The following SPATA31A6 variants were observed in gnomAD, a reference collection of about 807,000 sequenced individuals.
SPATA31A6 encodes the protein SPATA31 subfamily A member 6.
In SPATA31A6, 9 loss-of-function variants were observed where a neutral mutation model predicts 11.9. The ratio of observed to expected loss-of-function variants is 0.76; its 90% CI spans 0.46 to 1.32. The LOEUF (loss-of-function observed/expected upper bound fraction) is 1.32, where lower values mean the gene tolerates loss of function less well. SPATA31A6 is among the 40% of genes most tolerant of loss of function. The pLI, the probability that SPATA31A6 is intolerant of heterozygous loss-of-function variation, is 0.00. For missense variants in SPATA31A6, 855 were observed against 1,467.3 expected (o/e 0.58, Z 6.82); for synonymous variants, 314 against 572.1 (o/e 0.55, Z 6.44).
Position 42,187,298 on chromosome 9 carries a change from C to T in SPATA31A6, c.1596C>T (p.Ser532=), listed in dbSNP as rs1829476788. 4.5e-6 allele frequency: 7 copies of T among 1,540,718 alleles called. 1 individual carries two copies. Among genetic ancestry groups the T allele is most frequent in the South Asian group, 1.2e-5 (1 of 86,434 alleles). Residue 532 remains serine (S), a synonymous_variant, in exon 4 of 4, where the codon TCC becomes TCT. Transcript: ENST00000332857. ...PASQNKVQAL[S]LPETQHPEWP... ...CGCAGAATAAAGTGCAAGCTCTCTC[C>T]CTACCTGAAACTCAGCACCCTGAAT...
chr9:42,189,759 T>C lies in SPATA31A6; in HGVS notation c.*25T>C, dbSNP rs1563899876. ...ATTTGGTCAGTCACAAATTCTTTTT[T>C]AGCCTTCCCTGGAGAAAAACAAGTC... On this transcript the variant is annotated 3_prime_UTR_variant, in exon 4 of 4. Transcript: ENST00000332857. The C allele has an allele frequency of 7.1e-7, 1 of 1,412,656 alleles. No individual in the cohort carries two copies. The highest frequency in any genetic ancestry group is 2.5e-5 in the Admixed American group (1 of 39,996). The allele number at this position is 1,412,656 out of a possible 1,614,324, so 87.5% of individuals were successfully genotyped here.
At position 42,183,827 on chromosome 9, in the gene SPATA31A6, C is replaced by G. The variant is rs1490067595; in HGVS notation, c.140C>G (p.Ser47Cys). Residue 47 changes from serine to cysteine, a missense_variant, in exon 1 of 4, where the codon TCT becomes TGT. By Grantham distance (112) the Ser-to-Cys change is moderately radical. Transcript: ENST00000332857. ...GFFFLLLPYL[S>C]YFHCDDPPSP... Reference sequence around the variant, plus strand: ...TTCTTCCTATTACTCCCCTACTTATCTTACTTCCATTGTGATGACCCACCC... The same window carrying G: ...TTCTTCCTATTACTCCCCTACTTATGTTACTTCCATTGTGATGACCCACCC... The G allele has an allele frequency of 5.9e-6, 9 of 1,533,614 alleles. 1 individual carries two copies. The highest frequency in any genetic ancestry group is 3.5e-5 in the Admixed American group (2 of 56,540).
intron 2 of SPATA31A6, 126 bp downstream of exon 2, chr9:42,185,252 G>C (rs1212670591): frequency 5.7e-6 from 7 of 1,227,744 alleles, no homozygotes; most frequent in Non-Finnish European, 6.8e-6. Context: ...AGAACCCCGG[G>C]TCCTTCTCAG....
At position 42,186,969 on chromosome 9, in the gene SPATA31A6, C is replaced by T; in HGVS notation, c.1267C>T (p.His423Tyr). ...GCTTTTCTGGGGCCTCCCCTCTCTG[C>T]ACAGCGAGTCCCTGGTGGCTAACGC... ...SQLFWGLPSL[H>Y]SESLVANAWV... The change falls in exon 4 of 4, where the codon CAC (histidine) becomes TAC (tyrosine). Residue 423 changes from histidine to tyrosine, a missense_variant. Coordinates refer to ENST00000332857, the MANE Select transcript of SPATA31A6 (RefSeq NM_001145196.1). 6.5e-7 allele frequency: 1 copy of T among 1,544,846 alleles called. No homozygotes were observed. Among genetic ancestry groups the T allele is most frequent in the Non-Finnish European group, 8.8e-7 (1 of 1,142,152 alleles).
At chr9:42,185,042 G>C in intron 1 of SPATA31A6, 27 bp from the exon 2 acceptor site, 1 of 1,535,696 alleles carries the variant, frequency 6.5e-7, no homozygotes, top group Non-Finnish European at 8.8e-7. Flanking sequence ...GCGTCATCTT[G>C]TCTCCGTACG....
In SPATA31A6 at chr9:42,189,095, A is replaced by G; in HGVS notation, c.3393A>G (p.Pro1131=). The change falls in exon 4 of 4, where the codon CCA becomes CCG. Residue 1131 remains proline, a synonymous_variant. Transcript: ENST00000332857. ...GATTGAGGACTCCTCAACTTACCCC[A>G]GTCAGGAAAACAGAAGACACCCATC... ...LEGLRTPQLT[P]VRKTEDTHQD... 18 of 1,546,846 alleles carry G rather than the reference A, an allele frequency of 1.2e-5. 5 individuals are homozygous for G. The South Asian group carries it at 1.8e-4, about 16-fold the overall frequency.
Position 42,186,501 on chromosome 9 carries a change from A to G in SPATA31A6, c.799A>G (p.Ile267Val). 6.6e-7 allele frequency: 1 copy of G among 1,507,900 alleles called. No homozygotes were observed. Among genetic ancestry groups the G allele is most frequent in the East Asian group, 2.4e-5 (1 of 41,198 alleles). The allele number at this position is 1,507,900 out of a possible 1,614,324, so 93.4% of individuals were successfully genotyped here. Residue 267 changes from isoleucine to valine, a missense_variant, in exon 4 of 4, where the codon ATC (isoleucine) becomes GTC (valine). By Grantham distance (29) the Ile-to-Val change is conservative. Coordinates refer to ENST00000332857, the MANE Select transcript of SPATA31A6 (RefSeq NM_001145196.1). ...HEDLVASVPA[I>V]SGLGGSNSHV... Reference sequence around the variant, plus strand: ...GGATTTGGTGGCTTCTGTCCCAGCCATCTCAGGCCTTGGTGGCTCAAACAG... The same window carrying G: ...GGATTTGGTGGCTTCTGTCCCAGCCGTCTCAGGCCTTGGTGGCTCAAACAG...
rs1255930807 is a variant in SPATA31A6, at chr9:42,187,094, A to G, written c.1392A>G (p.Pro464=). 1.9e-6 allele frequency: 3 copies of G among 1,542,882 alleles called. 1 individual carries two copies. The Admixed American group carries it at 5.2e-5, about 27-fold the overall frequency. Residue 464 remains proline (P), a synonymous_variant, in exon 4 of 4, where the codon CCA becomes CCG. Transcript: ENST00000332857. ...TTCAAAGGGAGACTACAATGTCCCCACTGCTTTTCCAGGCCCAGCCCCTGT... is the reference window on the plus strand; with the variant it reads ...TTCAAAGGGAGACTACAATGTCCCCGCTGCTTTTCCAGGCCCAGCCCCTGT... ...CPIQRETTMS[P]LLFQAQPLSH...
Position 42,185,543 on chromosome 9 carries a change from C to G in SPATA31A6, c.248-152C>G, listed in dbSNP as rs1260172245. On this transcript the variant is annotated intron_variant, in intron 2 of 3. Transcript: ENST00000332857. The stretch of plus-strand genomic sequence containing the variant: ...AAAAAGCCCTGTCCTCCATGCCTTG[C>G]TATTAACGTCGGGGTCATGTGGCTT... Among the ~76,000 whole-genome samples the G allele has an allele frequency of 1.2e-4, 16 of 136,986 alleles. 3 individuals are homozygous for G. Among genetic ancestry groups the G allele is most frequent in the Admixed American group, 1.2e-3 (16 of 13,892 alleles). 89.9% of individuals were successfully genotyped at this position (136,986 alleles called of 152,430 possible). A position where few individuals can be genotyped will look rare whatever the true frequency, so the allele number is the denominator to read the frequency against.
Position 42,186,664 on chromosome 9 carries a change from G to T in SPATA31A6, c.962G>T (p.Ser321Ile), listed in dbSNP as rs1263575039. 6.5e-7 allele frequency: 1 copy of T among 1,532,008 alleles called. No homozygotes were observed. Among genetic ancestry groups the T allele is most frequent in the Non-Finnish European group, 8.8e-7 (1 of 1,138,758 alleles). 94.9% of individuals were successfully genotyped at this position (1,532,008 alleles called of 1,614,324 possible). ...GAAGCTGGTAGCCTGTTTTTGCTCA[G>T]CTCTGATGGCCAGAATGTCGTGGGG... ...QMEAGSLFLLSSDGQNVVGIQ... is the reference protein window; with the variant it reads ...QMEAGSLFLLISDGQNVVGIQ... Residue 321 changes from serine to isoleucine, a missense_variant, in exon 4 of 4, where the codon AGC becomes ATC. Physicochemically the swap from Ser to Ile is moderately radical, Grantham distance 142 (BLOSUM62 -2). Coordinates refer to ENST00000332857, the MANE Select transcript of SPATA31A6 (RefSeq NM_001145196.1).
At chr9:42,184,355 C>A (rs1226223919) in intron 1 of SPATA31A6, among the ~76,000 whole-genome samples, 2 of 129,020 alleles carry the variant, frequency 1.6e-5, no homozygotes, top group Non-Finnish European at 3.2e-5. Context: ...CTCAGCAGTG[C>A]CTGCGGGCCT....
At position 42,184,017 on chromosome 9, in the gene SPATA31A6, A is replaced by G. The variant is rs1168012452; in HGVS notation, c.189+141A>G. 2.2e-6 allele frequency: 3 copies of G among 1,381,682 alleles called. 1 individual carries two copies. Among genetic ancestry groups the G allele is most frequent in the Non-Finnish European group, 2.9e-6 (3 of 1,037,528 alleles). The allele number at this position is 1,381,682 out of a possible 1,614,324, so 85.6% of individuals were successfully genotyped here. On this transcript the variant is annotated intron_variant, in intron 1 of 3. Coordinates refer to ENST00000332857, the MANE Select transcript of SPATA31A6 (RefSeq NM_001145196.1). ...ACCAGAACATCATCCTTCCAGGGAG[A>G]GGCAGGGCAGCCAGGGGTTGGTAGG...
At position 42,189,038 on chromosome 9, in the gene SPATA31A6, C is replaced by G; in HGVS notation, c.3336C>G (p.Pro1112=). 1 of 1,554,700 alleles carries G rather than the reference C, an allele frequency of 6.4e-7. No individual in the cohort carries two copies. Among genetic ancestry groups the G allele is most frequent in the Non-Finnish European group, 8.7e-7 (1 of 1,146,022 alleles). ...ACAAGAGTGAGAAGTCTAGGAAGCC[C>G]AACTTAGAAAAACATGAAGAAAGGC... ...PIHKSEKSRK[P]NLEKHEERLE... Residue 1112 remains proline (P), a synonymous_variant, in exon 4 of 4, where the codon CCC becomes CCG. Transcript: ENST00000332857.
Position 42,189,816 on chromosome 9 carries a change from A to AAC in SPATA31A6, c.*83_*84insCA, listed in dbSNP as rs1306212467. ...AAAAAATTCACTCTATGTAGAGAAA[A>AAC]AATATTTTCTCTCATGTTAGTAAAT... On this transcript the variant is annotated 3_prime_UTR_variant, in exon 4 of 4. Coordinates refer to ENST00000332857, the MANE Select transcript of SPATA31A6 (RefSeq NM_001145196.1). 8.6e-7 allele frequency: 1 copy of AAC among 1,165,984 alleles called. No individual in the cohort carries two copies. Among genetic ancestry groups the AAC allele is most frequent in the Non-Finnish European group, 1.1e-6 (1 of 870,496 alleles). 72.2% of individuals were successfully genotyped at this position (1,165,984 alleles called of 1,614,324 possible). A position where few individuals can be genotyped will look rare whatever the true frequency, so the allele number is the denominator to read the frequency against.
In SPATA31A6 at chr9:42,185,047, C is replaced by G. The variant is rs544015600; in HGVS notation, c.190-22C>G. The G allele has an allele frequency of 6.8e-4, 1,042 of 1,536,248 alleles. 163 individuals carry two copies. Among genetic ancestry groups the G allele is most frequent in the South Asian group, 1.3e-3 (109 of 85,378 alleles). ...TTGTCTCTCCGCGTCATCTTGTCTC[C>G]GTACGTCATCATGTCTCCCAGTGTC... is the stretch of plus-strand genomic sequence containing the variant. On this transcript the variant is annotated intron_variant, in intron 1 of 3. Coordinates refer to ENST00000332857, the MANE Select transcript of SPATA31A6 (RefSeq NM_001145196.1).
In SPATA31A6 at chr9:42,185,919, T is replaced by G. The variant is rs1395039159; in HGVS notation, c.309-92T>G. On this transcript the variant is annotated intron_variant, in intron 3 of 3. Transcript: ENST00000332857. ...GCAGGAGAATTGGGCAATCAGGGTGTGGGATGGTGGAGGGGCTGTGGCCCG... is the reference window on the plus strand; with the variant it reads ...GCAGGAGAATTGGGCAATCAGGGTGGGGGATGGTGGAGGGGCTGTGGCCCG... The G allele has an allele frequency of 2.0e-6, 3 of 1,500,232 alleles. 1 individual carries two copies. In the African/African-American group the frequency reaches 5.0e-5, roughly 25 times the overall value. 92.9% of individuals were successfully genotyped at this position (1,500,232 alleles called of 1,614,324 possible).
At position 42,187,772 on chromosome 9, in the gene SPATA31A6, G is replaced by A. The variant is rs1332060982; in HGVS notation, c.2070G>A (p.Leu690=). 3.3e-6 allele frequency: 5 copies of A among 1,504,440 alleles called. 1 individual carries two copies. The highest frequency in any genetic ancestry group is 4.8e-4 in the Middle Eastern group (2 of 4,184). The allele number at this position is 1,504,440 out of a possible 1,614,324, so 93.2% of individuals were successfully genotyped here. Residue 690 remains leucine, a synonymous_variant, in exon 4 of 4, where the codon CTG becomes CTA. Transcript: ENST00000332857. ...RDMKSFPRKV[L]GVTSEESERN... ...TGAAAAGCTTCCCACGGAAGGTTCT[G>A]GGGGTGACTTCTGAGGAGTCGGAAA...
Position 42,183,824 on chromosome 9 carries a change from T to A in SPATA31A6, c.137T>A (p.Leu46Ter). The A allele has an allele frequency of 6.5e-7, 1 of 1,533,564 alleles. No individual in the cohort carries two copies. Among genetic ancestry groups the A allele is most frequent in the Non-Finnish European group, 8.8e-7 (1 of 1,137,898 alleles). 95.0% of individuals were successfully genotyped at this position (1,533,564 alleles called of 1,614,324 possible). A position where few individuals can be genotyped will look rare whatever the true frequency, so the allele number is the denominator to read the frequency against. ...LGFFFLLLPY[L>*]SYFHCDDPPS... Reference sequence around the variant, plus strand: ...TTCTTCTTCCTATTACTCCCCTACTTATCTTACTTCCATTGTGATGACCCA... The same window carrying A: ...TTCTTCTTCCTATTACTCCCCTACTAATCTTACTTCCATTGTGATGACCCA... The change falls in exon 1 of 4, where the codon TTA (leucine) becomes TAA (stop). Residue 46 changes from leucine (L) to a stop codon, truncating the protein, a stop_gained. Coordinates refer to ENST00000332857, the MANE Select transcript of SPATA31A6 (RefSeq NM_001145196.1). LOFTEE classifies it high-confidence loss of function.
Position 42,186,788 on chromosome 9 carries a change from T to C in SPATA31A6, c.1086T>C (p.Ser362=). The change falls in exon 4 of 4, where the codon TCT becomes TCC. Residue 362 remains serine, a synonymous_variant. Coordinates refer to ENST00000332857, the MANE Select transcript of SPATA31A6 (RefSeq NM_001145196.1). Reference sequence around the variant, plus strand: ...TGACCCCAGAAAAGCACTTAAATTCTTTGGGGAATTTGGCTAAATCATTGG... The same window carrying C: ...TGACCCCAGAAAAGCACTTAAATTCCTTGGGGAATTTGGCTAAATCATTGG... ...NQMTPEKHLN[S]LGNLAKSLDA... is the part of the protein sequence containing the mutation. The C allele has an allele frequency of 6.5e-7, 1 of 1,531,844 alleles. No individual in the cohort carries two copies. 94.9% of individuals were successfully genotyped at this position (1,531,844 alleles called of 1,614,324 possible). A position where few individuals can be genotyped will look rare whatever the true frequency, so the allele number is the denominator to read the frequency against.
Sources: gnomAD v4.1 joint callset for allele counts (sites outside exome capture counted in the v4.1 genomes callset) on GRCh38, gnomAD v4.1.1 for gene constraint, MANE v1.5 for transcripts, NCBI Gene and HGNC (gene_info 2026-07-23, HGNC 2026-07-21) for gene names.